Variants in DOCK3 observed in about 807,000 individuals in gnomAD.
DOCK3 encodes dedicator of cytokinesis protein 3.
DOCK3 carries 60 observed loss-of-function variants against 265.6 expected under a neutral mutation model. The ratio of observed to expected loss-of-function variants is 0.23; its 90% CI spans 0.18 to 0.28. The LOEUF is 0.28. DOCK3 is among the 10% of genes least tolerant of loss of function. The pLI is 1.00. For synonymous variants in DOCK3, 881 were observed against 938.0 expected (o/e 0.94, Z 1.11); for missense variants, 1,981 against 2,594.3 (o/e 0.76, Z 5.14).
intron 1 of DOCK3, among the ~76,000 whole-genome samples, chr3:50,734,406 G>T (rs925200672): frequency 6.6e-6 from 1 of 151,978 alleles, no homozygotes; most frequent in Non-Finnish European, 1.5e-5. Context: ...GGAGGCTGAG[G>T]TGGGAGGATC....
chr3:51,335,987 G>T, intron 35 of DOCK3, among the ~76,000 whole-genome samples: 1 of 139,818 alleles, frequency 7.2e-6, no homozygotes, highest in African/African-American at 2.7e-5. Flanking sequence ...ATGAGACCCT[G>T]TCTCAAAAAA....
rs1006733450 is a variant in DOCK3, at chr3:51,238,107, A to G, written c.2102+517A>G. Among the ~76,000 whole-genome samples the G allele has an allele frequency of 2.1e-4, 22 of 105,268 alleles. 1 individual carries two copies. Among genetic ancestry groups the G allele is most frequent in the African/African-American group, 6.8e-4 (20 of 29,312 alleles). The allele number at this position is 105,268 out of a possible 152,430, so 69.1% of individuals were successfully genotyped here. A position where few individuals can be genotyped will look rare whatever the true frequency, so the allele number is the denominator to read the frequency against. On this transcript the variant is annotated intron_variant, in intron 21 of 52. Transcript: ENST00000266037. ...CAAAGACTGAATAATGTTCCATTGT[A>G]TATATTTACCACTTTTTTTTTTTTT... is the stretch of plus-strand genomic sequence containing the variant.
chr3:50,923,557 C>A (rs2050613591), intron 4 of DOCK3, among the ~76,000 whole-genome samples: 1 of 152,092 alleles, frequency 6.6e-6, no homozygotes, highest in Non-Finnish European at 1.5e-5. Context: ...TAAAGCTAAA[C>A]CTTATCACTA....
chr3:50,904,525 AT>A (rs1347768851), intron 4 of DOCK3, among the ~76,000 whole-genome samples: 4 of 152,118 alleles, frequency 2.6e-5, no homozygotes, highest in Non-Finnish European at 5.9e-5. Context: ...GACAACGAAT[AT>A]TTTTTCATGT....
At chr3:50,768,345 C>G (rs916374351) in intron 1 of DOCK3, among the ~76,000 whole-genome samples, 1 of 152,032 alleles carries the variant, frequency 6.6e-6, no homozygotes, top group Non-Finnish European at 1.5e-5. Context: ...TGAATTTTGC[C>G]AAAGCCTGGC....
intron 2 of DOCK3, among the ~76,000 whole-genome samples, chr3:50,792,645 T>A (rs2042541291): frequency 6.6e-6 from 1 of 152,176 alleles, no homozygotes; most frequent in Non-Finnish European, 1.5e-5. Context: ...TTAACATAAA[T>A]GGTGTTGAAT....
intron 51 of DOCK3, 148 bp from the exon 52 acceptor site, chr3:51,379,977 T>G (rs1553618023): frequency 3.3e-6 from 2 of 615,334 alleles, no homozygotes; most frequent in Non-Finnish European, 5.4e-6. Flanking sequence ...AGAAGGCCAG[T>G]GTAAAGAGAG....
intron 1 of DOCK3, among the ~76,000 whole-genome samples, chr3:50,715,714 C>G (rs575246798): frequency 6.6e-6 from 1 of 152,122 alleles, no homozygotes; most frequent in South Asian, 2.1e-4. Context: ...ATAGTTCCAA[C>G]CAGGTAGAGT....
At position 51,146,604 on chromosome 3, in the gene DOCK3, A is replaced by G; in HGVS notation, c.802A>G (p.Ile268Val). 1 of 1,595,792 alleles carries G rather than the reference A, an allele frequency of 6.3e-7. No homozygotes were observed. The highest frequency in any genetic ancestry group is 1.1e-5 in the South Asian group (1 of 87,680). The change falls in exon 10 of 53, where the codon ATA becomes GTA. Residue 268 changes from isoleucine to valine, a missense_variant. Coordinates refer to ENST00000266037, the MANE Select transcript of DOCK3 (RefSeq NM_004947.5). ...KNGGPRNPEK[I>V]ERMCALFTDL... ...TGGTGGGCCGAGGAACCCAGAGAAG[A>G]TAGAACGAATGTGTGCCCTTTTTAC... is the stretch of plus-strand genomic sequence containing the variant.
intron 33 of DOCK3, among the ~76,000 whole-genome samples, chr3:51,331,556 T>TA (rs201481347): frequency 0.01 from 1,369 of 131,274 alleles, 18 homozygotes; most frequent in African/African-American, 0.03. Context: ...GTAGGTATGC[T>TA]AAAAAAAAAA....
intron 5 of DOCK3, among the ~76,000 whole-genome samples, chr3:51,010,668 T>A (rs901405108): frequency 5.9e-5 from 9 of 152,224 alleles, no homozygotes; most frequent in African/African-American, 2.2e-4. Flanking sequence ...CATTATGATG[T>A]TAGCTGGTTA....
chr3:50,883,104 C>G (rs577822105), intron 3 of DOCK3, among the ~76,000 whole-genome samples: 13 of 152,172 alleles, frequency 8.5e-5, no homozygotes, highest in South Asian at 4.2e-4. Flanking sequence ...ACATCACACA[C>G]CAGGGCCTGT....
chr3:51,004,172 T>G (rs1421137503), intron 5 of DOCK3, among the ~76,000 whole-genome samples: 8 of 152,128 alleles, frequency 5.3e-5, no homozygotes, highest in Non-Finnish European at 1.0e-4. Context: ...AATTTCCATC[T>G]TGGATGCCCG....
At chr3:50,940,184 C>T (rs2076249197) in intron 5 of DOCK3, among the ~76,000 whole-genome samples, 1 of 150,632 alleles carries the variant, frequency 6.6e-6, no homozygotes, top group Non-Finnish European at 1.5e-5. Context: ...AGGCCAGGCA[C>T]AGTGTCTCAT....
chr3:51,065,075 T>A (rs574804062), intron 6 of DOCK3, among the ~76,000 whole-genome samples: 6 of 152,316 alleles, frequency 3.9e-5, no homozygotes, highest in Non-Finnish European at 8.8e-5. Context: ...AGTAATAGTC[T>A]TGCATTTATG....
chr3:51,168,615 A>G (rs1196844816), intron 12 of DOCK3, among the ~76,000 whole-genome samples: 2 of 152,204 alleles, frequency 1.3e-5, no homozygotes, highest in Non-Finnish European at 2.9e-5. Context: ...AGACTTAAGC[A>G]TGAAACCCGA....
intron 9 of DOCK3, among the ~76,000 whole-genome samples, chr3:51,129,720 C>A (rs1443366835): frequency 6.6e-6 from 1 of 152,178 alleles, no homozygotes; most frequent in Non-Finnish European, 1.5e-5. Context: ...CAGTGCCGTG[C>A]TCCAGAATCC....
At chr3:51,041,179 TA>T (rs2080480928) in intron 5 of DOCK3, among the ~76,000 whole-genome samples, 2 of 11,648 alleles carry the variant, frequency 1.7e-4, no homozygotes, top group African/African-American at 3.7e-4. Flanking sequence ...TATATATATA[TA>T]TATATATATA....
intron 2 of DOCK3, among the ~76,000 whole-genome samples, chr3:50,800,404 C>G (rs531246123): frequency 2.6e-5 from 4 of 151,970 alleles, no homozygotes; most frequent in Non-Finnish European, 5.9e-5. Flanking sequence ...TTTCTTTCTT[C>G]TTAGTTTACT....
Sources: gnomAD v4.1 joint callset for allele counts (sites outside exome capture counted in the v4.1 genomes callset) on GRCh38, gnomAD v4.1.1 for gene constraint, MANE v1.5 for transcripts, NCBI Gene and HGNC (gene_info 2026-07-23, HGNC 2026-07-21) for gene names.